VPS51: variants seen among roughly 807,000 people sequenced by gnomAD.
VPS51 encodes the protein vacuolar protein sorting-associated protein 51 homolog.
VPS51 carries 55 observed loss-of-function variants against 65.1 expected under a neutral mutation model. That is an observed-to-expected ratio of 0.84 (90% CI 0.68 to 1.06). The LOEUF is 1.06. Among genes scored for constraint, VPS51 ranks in the 50% least tolerant of loss-of-function variants. VPS51 has a pLI of 0.00. For synonymous variants in VPS51, 473 were observed against 489.5 expected (o/e 0.97, Z 0.44); for missense variants, 943 against 1,101.6 (o/e 0.86, Z 2.04).
intron 7 of VPS51, 78 bp from the exon 8 acceptor site, chr11:65,110,404 T>G: frequency 6.2e-7 from 1 of 1,607,640 alleles, no homozygotes; most frequent in Non-Finnish European, 8.5e-7. Flanking sequence ...AGTAGCTGAC[T>G]TAGGGCATCC....
intron 1 of VPS51, 195 bp from the exon 2 acceptor site, chr11:65,096,803 C>G (rs1181145942): frequency 1.2e-6 from 1 of 824,706 alleles, no homozygotes; most frequent in South Asian, 1.8e-5. Context: ...CTGACAAACA[C>G]CAAACACGGT....
chr11:65,110,639 C>T (rs954408025), intron 8 of VPS51, 36 bp downstream of exon 8: 1 of 1,613,984 alleles, frequency 6.2e-7, no homozygotes, highest in Non-Finnish European at 8.5e-7. Flanking sequence ...GGGGAAGGGA[C>T]AAAAGAGGGC....
At chr11:65,110,337 T>C in intron 7 of VPS51, 145 bp from the exon 8 acceptor site, 6 of 1,386,550 alleles carry the variant, frequency 4.3e-6, no homozygotes, top group Non-Finnish European at 6.0e-6. Context: ...ATAGCGACCA[T>C]GTACCTACTA....
chr11:65,111,027 G>GC, intron 9 of VPS51: 1 of 664,164 alleles, frequency 1.5e-6, no homozygotes, highest in Admixed American at 2.4e-5. Context: ...ATTACTGTTT[G>GC]CCCTTGTCCT....
chr11:65,108,037 C>A lies in VPS51; in HGVS notation c.725+15C>A. The A allele has an allele frequency of 6.7e-7, 1 of 1,499,480 alleles. No homozygotes were observed. Among genetic ancestry groups the A allele is most frequent in the Non-Finnish European group, 8.9e-7 (1 of 1,126,390 alleles). The allele number at this position is 1,499,480 out of a possible 1,614,324, so 92.9% of individuals were successfully genotyped here. A position where few individuals can be genotyped will look rare whatever the true frequency, so the allele number is the denominator to read the frequency against. On this transcript the variant is annotated intron_variant, in intron 4 of 9. Coordinates refer to ENST00000279281, the MANE Select transcript of VPS51 (RefSeq NM_013265.4). Reference sequence around the variant, plus strand: ...CAGCGCTTTAGGTGTGGCCCCTCTGCCCTGACCCCAGCGCTCCCGCCAGCC... The same window carrying A: ...CAGCGCTTTAGGTGTGGCCCCTCTGACCTGACCCCAGCGCTCCCGCCAGCC...
Position 65,107,789 on chromosome 11 carries a change from C to T in VPS51, c.506-14C>T, listed in dbSNP as rs752278067. ...CCTGGGGCTCTGGGGCTAACGTCACCCTCCGTCCCCCAGGGGTCCACGCGC... is the reference window on the plus strand; with the variant it reads ...CCTGGGGCTCTGGGGCTAACGTCACTCTCCGTCCCCCAGGGGTCCACGCGC... On this transcript the variant is annotated splice_polypyrimidine_tract_variant and intron_variant, in intron 3 of 9. Transcript: ENST00000279281. This position sits in a 1 kb window ranked among gnomAD's most constrained non-coding sequence, Gnocchi z 4.0. 9 of 1,596,852 alleles carry T rather than the reference C, an allele frequency of 5.6e-6. No individual in the cohort carries two copies. In the South Asian group the frequency reaches 8.9e-5, roughly 16 times the overall value.
chr11:65,111,533 A>G lies in VPS51; in HGVS notation c.2295A>G (p.Pro765=). 2 of 1,612,808 alleles carry G rather than the reference A, an allele frequency of 1.2e-6. No homozygotes were observed. Among genetic ancestry groups the G allele is most frequent in the Non-Finnish European group, 1.7e-6 (2 of 1,180,014 alleles). Residue 765 remains proline, a synonymous_variant, in exon 10 of 10, where the codon CCA becomes CCG. Transcript: ENST00000279281. ...TGGCCTCTGCTGCCCTGCGCTGCCCAGACCCTGTGCCCATGGAGCCCAGTG... is the reference window on the plus strand; with the variant it reads ...TGGCCTCTGCTGCCCTGCGCTGCCCGGACCCTGTGCCCATGGAGCCCAGTG... The part of the protein sequence containing the change: ...EVVASAALRC[P]DPVPMEPSVV...
intron 1 of VPS51, 160 bp downstream of exon 1, chr11:65,096,638 G>A (rs1947772005): frequency 3.0e-6 from 2 of 667,304 alleles, no homozygotes; most frequent in East Asian, 5.6e-5. Flanking sequence ...GAGCAGCTGA[G>A]GCGTCTGAGG....
At chr11:65,096,511 G>GT in intron 1 of VPS51, 33 bp downstream of exon 1, 2 of 979,732 alleles carry the variant, frequency 2.0e-6, no homozygotes, top group Non-Finnish European at 3.0e-6. Context: ...GGGGTGCGGG[G>GT]AGGGGGGAAG....
In VPS51 at chr11:65,108,761, A is replaced by C; in HGVS notation, c.1290A>C (p.Ala430=). The change falls in exon 5 of 10, where the codon GCA becomes GCC. Residue 430 remains alanine, a synonymous_variant. Transcript: ENST00000279281. ...TGACAGACGTCCGCCAGGCGCTGGC[A>C]GCACCTCGCGTGGCTGGGAAGGAGG... ...GCLTDVRQAL[A]APRVAGKEGP... is the part of the protein sequence containing the mutation. 1 of 1,612,248 alleles carries C rather than the reference A, an allele frequency of 6.2e-7. No individual in the cohort carries two copies. Among genetic ancestry groups the C allele is most frequent in the Non-Finnish European group, 8.5e-7 (1 of 1,179,880 alleles).
At position 65,111,701 on chromosome 11, in the gene VPS51, GCCT is replaced by G. The variant is rs1947905112; in HGVS notation, c.*122_*124del. On this transcript the variant is annotated 3_prime_UTR_variant, in exon 10 of 10. Transcript: ENST00000279281. ...AGGACCGGCCTAATAAACATGTGTG[GCCT>G]CCTCCTCTCGCTTGCTGGGCGGGCC... is the stretch of plus-strand genomic sequence containing the variant. The G allele has an allele frequency of 1.5e-5, 21 of 1,414,044 alleles. No individual in the cohort carries two copies. The Admixed American group carries it at 1.9e-4, about 13-fold the overall frequency. The allele number at this position is 1,414,044 out of a possible 1,614,324, so 87.6% of individuals were successfully genotyped here.
intron 2 of VPS51, among the ~76,000 whole-genome samples, chr11:65,106,905 T>G (rs1452962360): frequency 6.6e-6 from 1 of 151,996 alleles, no homozygotes; most frequent in Non-Finnish European, 1.5e-5. Flanking sequence ...CAGAGGACAG[T>G]AGAGACAGCA....
Position 65,096,349 on chromosome 11 carries a change from G to T in VPS51, c.99G>T (p.Ala33=). The T allele has an allele frequency of 6.6e-7, 1 of 1,526,268 alleles. No homozygotes were observed. The highest frequency in any genetic ancestry group is 8.7e-7 in the Non-Finnish European group (1 of 1,144,124). The allele number at this position is 1,526,268 out of a possible 1,614,324, so 94.5% of individuals were successfully genotyped here. ...EGEAPERRRK[A]HGMLKLYYGL... is the part of the protein sequence containing the mutation. ...AGGCTCCGGAGCGTCGGCGGAAGGC[G>T]CACGGGATGCTGAAGCTTTACTACG... The change falls in exon 1 of 10, where the codon GCG becomes GCT. Residue 33 remains alanine, a synonymous_variant. Coordinates refer to ENST00000279281, the MANE Select transcript of VPS51 (RefSeq NM_013265.4).
At position 65,110,494 on chromosome 11, in the gene VPS51, T is replaced by C; in HGVS notation, c.1891T>C (p.Tyr631His). 1.2e-6 allele frequency: 2 copies of C among 1,613,912 alleles called. No individual in the cohort carries two copies. Among genetic ancestry groups the C allele is most frequent in the Non-Finnish European group, 8.5e-7 (1 of 1,180,008 alleles). Residue 631 changes from tyrosine (Y) to histidine (H), a missense_variant, in exon 8 of 10, where the codon TAC becomes CAC. Transcript: ENST00000279281. Reference protein sequence around the residue: ...TAIDVQVGLLYEEGVRKAQSS... With the variant: ...TAIDVQVGLLHEEGVRKAQSS... The stretch of plus-strand genomic sequence containing the variant: ...TTTTTACCACCAGGTGGGGCTCCTG[T>C]ACGAAGAGGGTGTTCGCAAGGCCCA...
chr11:65,103,919 C>A (rs1408475481), intron 2 of VPS51, among the ~76,000 whole-genome samples: 1 of 139,288 alleles, frequency 7.2e-6, no homozygotes, highest in African/African-American at 2.7e-5. Flanking sequence ...TTTTTTAGGG[C>A]TTTCTATTTA....
intron 2 of VPS51, among the ~76,000 whole-genome samples, chr11:65,100,687 C>T (rs535399279): frequency 6.6e-6 from 1 of 151,968 alleles, no homozygotes; most frequent in Non-Finnish European, 1.5e-5. Flanking sequence ...TGCACCATCA[C>T]ACCCGCCTAA....
At chr11:65,103,714 A>C (rs1204320178) in intron 2 of VPS51, among the ~76,000 whole-genome samples, 1 of 152,114 alleles carries the variant, frequency 6.6e-6, no homozygotes, top group East Asian at 1.9e-4. Context: ...CACACAGACC[A>C]GGTGTGGGTG....
At chr11:65,109,182 C>A in intron 5 of VPS51, 98 bp from the exon 6 acceptor site, 1 of 1,321,474 alleles carries the variant, frequency 7.6e-7, no homozygotes, top group Non-Finnish European at 1.0e-6. Context: ...CTGTCCCTTG[C>A]AGAGGGGGCT....
rs117373881 is a variant in VPS51, at chr11:65,106,473, C to T, written c.359-1108C>T. On this transcript the variant is annotated intron_variant, in intron 2 of 9. Transcript: ENST00000279281. ...CCCTTATAAAACCATCAGACCTCGT[C>T]GGGTGCGGTGGCTCATGCCTGTAAT... Among the ~76,000 whole-genome samples, 46 of 152,248 alleles carry T rather than the reference C, an allele frequency of 3.0e-4. 1 individual carries two copies. The East Asian group carries it at 8.7e-3, about 29-fold the overall frequency.
Sources: gnomAD v4.1 joint callset for allele counts (sites outside exome capture counted in the v4.1 genomes callset) on GRCh38, gnomAD v4.1.1 for gene constraint, Gnocchi (gnomAD v3.1) non-coding constraint, MANE v1.5 for transcripts, NCBI Gene and HGNC (gene_info 2026-07-23, HGNC 2026-07-21) for gene names.